GNAL: variants seen among roughly 807,000 people sequenced by gnomAD.
GNAL encodes the protein G protein subunit alpha L, also known as guanine nucleotide-binding protein G(olf) subunit alpha.
Under a neutral mutation model 55.1 loss-of-function variants are expected in GNAL, and 18 were observed. That is an observed-to-expected ratio of 0.33 (90% CI 0.23 to 0.48). The LOEUF is 0.48. GNAL is among the 20% of genes least tolerant of loss of function. The probability of loss-of-function intolerance (pLI) is 0.99; values close to 1 mark genes in which losing one functional copy is unlikely to be tolerated. For synonymous variants in GNAL, 253 were observed against 237.0 expected, an observed-to-expected ratio of 1.07 and a Z score of -0.62; for missense variants, 412 against 614.1, an observed-to-expected ratio of 0.67 and a Z score of 3.48.
At position 11,881,479 on chromosome 18, in the gene GNAL, T is replaced by C. The variant is rs948645120; in HGVS notation, c.*344T>C. 3.0e-5 allele frequency: 6 copies of C among 200,988 alleles called. No homozygotes were observed. Among genetic ancestry groups the C allele is most frequent in the African/African-American group, 1.2e-4 (5 of 42,428 alleles). The allele number at this position is 200,988 out of a possible 1,614,324, so 12.5% of individuals were successfully genotyped here. On this transcript the variant is annotated 3_prime_UTR_variant, in exon 12 of 12. Transcript: ENST00000334049. This position sits in a 1 kb window ranked among gnomAD's most constrained non-coding sequence, Gnocchi z 4.8. ...GGAGAAAACACAGTTGGTTTTTTTT[T>C]CCACGTTATCAACCGTGACTGCAAG...
intron 5 of GNAL, among the ~76,000 whole-genome samples, chr18:11,856,103 C>G (rs2036002337): frequency 1.3e-5 from 2 of 151,388 alleles, no homozygotes; most frequent in South Asian, 4.1e-4. Context: ...AAAAACACAA[C>G]ATCCTCTTGG....
chr18:11,809,806 A>G (rs565120084), intron 4 of GNAL, among the ~76,000 whole-genome samples: 6 of 152,384 alleles, frequency 3.9e-5, no homozygotes, highest in Non-Finnish European at 7.3e-5. Flanking sequence ...AAGAACTGGA[A>G]GAAGTATTTA....
intron 5 of GNAL, among the ~76,000 whole-genome samples, chr18:11,839,659 A>C (rs1432940345): frequency 6.6e-6 from 1 of 152,172 alleles, no homozygotes; most frequent in East Asian, 1.9e-4. Context: ...GAAACAACCC[A>C]AGTGTCATCA....
chr18:11,791,171 G>A (rs1294510077), intron 4 of GNAL, among the ~76,000 whole-genome samples: 1 of 152,188 alleles, frequency 6.6e-6, no homozygotes, highest in Non-Finnish European at 1.5e-5. Flanking sequence ...TGGTGGCCAT[G>A]GCTAAATGGT....
rs1487090571 is a variant in GNAL at position 11,753,671 on chromosome 18, G to A, written c.493G>A (p.Asp165Asn). The A allele has an allele frequency of 6.3e-7, 1 of 1,598,628 alleles. No individual in the cohort carries two copies. Among genetic ancestry groups the A allele is most frequent in the African/African-American group, 1.3e-5 (1 of 74,758 alleles). Reference sequence around the variant, plus strand: ...TCTGGACATCCGGAAAAATGTTAAAGATGCTATCGTGGTAAGGACTTTTTT... The same window carrying A: ...TCTGGACATCCGGAAAAATGTTAAAAATGCTATCGTGGTAAGGACTTTTTT... The part of the protein sequence containing the change: ...KILDIRKNVK[D>N]AIVTIVSAMS... The change falls in exon 3 of 12, where the codon GAT (aspartate) becomes AAT (asparagine). Residue 165 changes from aspartate to asparagine, a missense_variant. This residue lies in a region of GNAL where 47 missense variants were observed against 82.7 expected (regional missense o/e 0.57). Coordinates refer to ENST00000334049, the MANE Select transcript of GNAL (RefSeq NM_182978.4).
intron 5 of GNAL, chr18:11,857,503 A>G: frequency 8.1e-6 from 8 of 985,548 alleles, no homozygotes; most frequent in Non-Finnish European, 9.6e-6. Flanking sequence ...AAAAGTGTGG[A>G]CTTTACCCCA....
intron 5 of GNAL, among the ~76,000 whole-genome samples, chr18:11,861,353 C>T (rs376280303): frequency 6.6e-6 from 1 of 152,078 alleles, no homozygotes; most frequent in African/African-American, 2.4e-5. Flanking sequence ...GCTTGTTGGT[C>T]CCCGAGGGAC....
chr18:11,793,629 A>T (rs58439930), intron 4 of GNAL, among the ~76,000 whole-genome samples: 2,310 of 135,620 alleles, frequency 0.017, 71 homozygotes, highest in African/African-American at 0.066. Context: ...CAAATAATTT[A>T]AAAATGGACA....
chr18:11,850,845 A>T (rs1302355581), intron 5 of GNAL, among the ~76,000 whole-genome samples: 3 of 152,240 alleles, frequency 2.0e-5, no homozygotes, highest in Non-Finnish European at 4.4e-5. Flanking sequence ...ACTCAATGCA[A>T]TAAAAGGATA....
chr18:11,734,362 C>T (rs2032413874), intron 1 of GNAL, among the ~76,000 whole-genome samples: 1 of 151,904 alleles, frequency 6.6e-6, no homozygotes, highest in Non-Finnish European at 1.5e-5. Context: ...AGGATGGTTT[C>T]GATCCCTTGA....
At chr18:11,762,370 A>G (rs118012395) in intron 4 of GNAL, among the ~76,000 whole-genome samples, 1 of 152,202 alleles carries the variant, frequency 6.6e-6, no homozygotes. Flanking sequence ...TGCTTCAGTA[A>G]TTATTCAGTA....
intron 4 of GNAL, among the ~76,000 whole-genome samples, chr18:11,778,886 A>G (rs1479084530): frequency 6.6e-6 from 1 of 152,128 alleles, no homozygotes; most frequent in African/African-American, 2.4e-5. Context: ...TCAAGGGTGA[A>G]AATTACTAGT....
At chr18:11,850,932 GTT>G (rs990035423) in intron 5 of GNAL, among the ~76,000 whole-genome samples, 1 of 152,204 alleles carries the variant, frequency 6.6e-6, no homozygotes, top group African/African-American at 2.4e-5. Flanking sequence ...GTGTTTTAAT[GTT>G]TTTGTTTTTA....
intron 1 of GNAL, among the ~76,000 whole-genome samples, chr18:11,724,294 T>C (rs1210237444): frequency 3.3e-5 from 5 of 152,206 alleles, no homozygotes; most frequent in Non-Finnish European, 7.3e-5. Context: ...CTTCTTTCAC[T>C]GAGCAATGTG....
At chr18:11,829,011 C>T (rs941139387) in intron 5 of GNAL, among the ~76,000 whole-genome samples, 1 of 152,182 alleles carries the variant, frequency 6.6e-6, no homozygotes, top group Non-Finnish European at 1.5e-5. Context: ...GAGGTGCCTA[C>T]GATCACAGTT....
chr18:11,829,460 A>G (rs1399533309), intron 5 of GNAL, among the ~76,000 whole-genome samples: 3 of 152,202 alleles, frequency 2.0e-5, no homozygotes, highest in Non-Finnish European at 4.4e-5. Context: ...GAGCTGCCAA[A>G]TTCTTTTACT....
At chr18:11,788,914 A>AAAAAAAAAAAAAC (rs60071996) in intron 4 of GNAL, among the ~76,000 whole-genome samples, 1 of 56,302 alleles carries the variant, frequency 1.8e-5, no homozygotes, top group African/African-American at 1.0e-4. Context: ...AAAAAAAAAA[A>AAAAAAAAAAAAAC]ATATATATAT....
At chr18:11,767,176 C>T (rs775204307) in intron 4 of GNAL, among the ~76,000 whole-genome samples, 7 of 151,936 alleles carry the variant, frequency 4.6e-5, no homozygotes, top group Non-Finnish European at 8.8e-5. Flanking sequence ...TGCACACTTG[C>T]TCTCTGTGTG....
intron 5 of GNAL, 43 bp downstream of exon 5, chr18:11,825,058 A>C: frequency 2.0e-6 from 2 of 999,542 alleles, no homozygotes; most frequent in Non-Finnish European, 3.2e-6. Flanking sequence ...TTTGAAGAAT[A>C]TGATTGCATG....
Sources: gnomAD v4.1 joint callset for allele counts (sites outside exome capture counted in the v4.1 genomes callset) on GRCh38, gnomAD v4.1.1 for gene constraint, gnomAD v4.1.1 regional missense constraint, Gnocchi (gnomAD v3.1) non-coding constraint, MANE v1.5 for transcripts, NCBI Gene and HGNC (gene_info 2026-07-23, HGNC 2026-07-21) for gene names.